Variants in CPEB4 observed in about 807,000 individuals in gnomAD.
CPEB4 encodes the protein cytoplasmic polyadenylation element-binding protein 4.
In CPEB4, 12 loss-of-function variants were observed where a neutral mutation model predicts 72.5. The observed-to-expected ratio is 0.17, with a 90% CI of 0.11 to 0.27. The LOEUF is 0.27. Ranked by LOEUF, CPEB4 falls within the 10% of genes least tolerant of loss-of-function variation. The pLI is 1.00. For missense variants in CPEB4, 614 were observed against 908.5 expected, an observed-to-expected ratio of 0.68 and a Z score of 4.17; for synonymous variants, 302 against 326.3, an observed-to-expected ratio of 0.93 and a Z score of 0.80.
At chr5:173,904,655 T>G (rs535978950) in intron 1 of CPEB4, among the ~76,000 whole-genome samples, 11 of 152,286 alleles carry the variant, frequency 7.2e-5, no homozygotes, top group Admixed American at 5.2e-4. Context: ...ATTAGTATGG[T>G]TCTTTGCCAT....
At chr5:173,891,569 A>C (rs1258180394) in intron 1 of CPEB4, 1 of 152,152 alleles carries the variant, frequency 6.6e-6, no homozygotes. Flanking sequence ...TTTATTTTCC[A>C]ATGTTAACAT....
chr5:173,903,862 GA>G (rs137985537), intron 1 of CPEB4, among the ~76,000 whole-genome samples: 15,556 of 152,166 alleles, frequency 0.1, 1,071 homozygotes, highest in Middle Eastern at 0.21. Context: ...GGTCCTCTCT[GA>G]AACATTCATT....
At chr5:173,892,771 G>A (rs1035501191) in intron 1 of CPEB4, among the ~76,000 whole-genome samples, 5 of 152,110 alleles carry the variant, frequency 3.3e-5, no homozygotes, top group African/African-American at 9.7e-5. Context: ...TGTGTTATGT[G>A]TGAAATCTTT....
chr5:173,952,263 G>T (rs1176691283), intron 8 of CPEB4, among the ~76,000 whole-genome samples: 8 of 152,138 alleles, frequency 5.3e-5, no homozygotes, highest in Non-Finnish European at 1.0e-4. Context: ...GTCTAGTGTT[G>T]CATAATGCTA....
At chr5:173,926,575 A>G (rs573513167) in intron 2 of CPEB4, among the ~76,000 whole-genome samples, 3 of 152,320 alleles carry the variant, frequency 2.0e-5, no homozygotes, top group South Asian at 2.1e-4. Context: ...CATGTCACCA[A>G]ATATAGCCTA....
intron 2 of CPEB4, chr5:173,918,157 C>T (rs1561615889): frequency 1.3e-5 from 2 of 152,316 alleles, no homozygotes; most frequent in African/African-American, 4.8e-5. Context: ...CTCCTGTACT[C>T]TCCCTCTCTT....
At chr5:173,898,617 A>G (rs2113136821) in intron 1 of CPEB4, among the ~76,000 whole-genome samples, 1 of 152,364 alleles carries the variant, frequency 6.6e-6, no homozygotes, top group Middle Eastern at 3.4e-3. Context: ...GTTTTATTCA[A>G]AATATAGCAC....
intron 9 of CPEB4, among the ~76,000 whole-genome samples, chr5:173,954,614 C>T (rs142483451): frequency 1.0e-3 from 158 of 152,282 alleles, no homozygotes; most frequent in African/African-American, 3.7e-3. Context: ...CTCAAGGGAT[C>T]CACCTGCCTC....
In CPEB4 at chr5:173,956,329, C is replaced by A; in HGVS notation, c.*192C>A. The A allele has an allele frequency of 2.0e-6, 1 of 505,366 alleles. No homozygotes were observed. Among genetic ancestry groups the A allele is most frequent in the Non-Finnish European group, 3.5e-6 (1 of 285,496 alleles). 31.3% of individuals were successfully genotyped at this position (505,366 alleles called of 1,614,324 possible). A position where few individuals can be genotyped will look rare whatever the true frequency, so the allele number is the denominator to read the frequency against. ...CTTGTGTCACTGCAAACAATATGAACTCCTTTTTCGTATTGCCATCGGGTT... is the reference window on the plus strand; with the variant it reads ...CTTGTGTCACTGCAAACAATATGAAATCCTTTTTCGTATTGCCATCGGGTT... On this transcript the variant is annotated 3_prime_UTR_variant, in exon 10 of 10. Transcript: ENST00000265085.
chr5:173,949,138 G>GTGAATCGCA (rs1201833257), intron 5 of CPEB4, among the ~76,000 whole-genome samples: 1 of 152,172 alleles, frequency 6.6e-6, no homozygotes, highest in Non-Finnish European at 1.5e-5. Context: ...TTTAAATGAA[G>GTGAATCGCA]TCTGTGAATC....
chr5:173,924,998 AG>A (rs1757193610), intron 2 of CPEB4, among the ~76,000 whole-genome samples: 1 of 152,220 alleles, frequency 6.6e-6, no homozygotes, highest in African/African-American at 2.4e-5. Flanking sequence ...GATGTGGGGC[AG>A]GGAAGGCTTC....
At chr5:173,921,712 G>A (rs2113209003) in intron 2 of CPEB4, among the ~76,000 whole-genome samples, 1 of 152,270 alleles carries the variant, frequency 6.6e-6, no homozygotes, top group Non-Finnish European at 1.5e-5. Context: ...CACATGGTTT[G>A]GAAGTGTCTT....
intron 1 of CPEB4, 59 bp from the exon 2 acceptor site, chr5:173,910,464 T>A (rs1756612769): frequency 4.3e-6 from 5 of 1,176,434 alleles, no homozygotes; most frequent in East Asian, 2.3e-5. Flanking sequence ...AAACTTACTG[T>A]CCTCTTTTAT....
intron 2 of CPEB4, among the ~76,000 whole-genome samples, chr5:173,914,634 T>C (rs1756796135): frequency 6.6e-6 from 1 of 152,076 alleles, no homozygotes; most frequent in Non-Finnish European, 1.5e-5. Context: ...TGTGCACCTG[T>C]AGTCCCAGTT....
intron 1 of CPEB4, among the ~76,000 whole-genome samples, chr5:173,901,987 G>C (rs773006307): frequency 6.6e-5 from 10 of 152,184 alleles, no homozygotes; most frequent in African/African-American, 2.4e-4. Context: ...TTTGCTGCCT[G>C]TGTAGGGATG....
chr5:173,937,285 G>A (rs900210183), intron 3 of CPEB4, among the ~76,000 whole-genome samples: 3 of 151,878 alleles, frequency 2.0e-5, no homozygotes, highest in Non-Finnish European at 4.4e-5. Flanking sequence ...TCAAGTGATC[G>A]GCCTGCCTCG....
intron 3 of CPEB4, among the ~76,000 whole-genome samples, chr5:173,936,317 T>C (rs1321788634): frequency 6.6e-6 from 1 of 152,238 alleles, no homozygotes; most frequent in Non-Finnish European, 1.5e-5. Context: ...TGTTGCCACA[T>C]GGTTTTCCAT....
chr5:173,921,701 CCACATGG>C, intron 2 of CPEB4, among the ~76,000 whole-genome samples: 1 of 152,280 alleles, frequency 6.6e-6, no homozygotes, highest in Non-Finnish European at 1.5e-5. Flanking sequence ...CCTCTTTAAG[CCACATGG>C]TTTGGAAGTG....
rs551726111 is a variant in CPEB4 at position 173,931,922 on chromosome 5, G to A, written c.1208-528G>A. Reference sequence around the variant, plus strand: ...GAAAGTAACCCAGCATTTAGTGAGTGCCTACTGTGCCCTGGGCTTTTGATA... The same window carrying A: ...GAAAGTAACCCAGCATTTAGTGAGTACCTACTGTGCCCTGGGCTTTTGATA... On this transcript the variant is annotated intron_variant, in intron 2 of 9. Transcript: ENST00000265085. 2.6e-5 allele frequency among the ~76,000 whole-genome samples: 4 copies of A among 152,280 alleles called. No individual in the cohort carries two copies. The South Asian group carries it at 6.2e-4, about 24-fold the overall frequency.
Sources: gnomAD v4.1 joint callset for allele counts (sites outside exome capture counted in the v4.1 genomes callset) on GRCh38, gnomAD v4.1.1 for gene constraint, MANE v1.5 for transcripts, NCBI Gene and HGNC (gene_info 2026-07-23, HGNC 2026-07-21) for gene names.